The following CDIN1 variants were observed in gnomAD, a reference collection of about 807,000 sequenced individuals.
CDIN1 encodes CDAN1-interacting nuclease 1.
In CDIN1, 33 loss-of-function variants were observed where a neutral mutation model predicts 45.3. The observed-to-expected ratio is 0.73, with a 90% CI of 0.55 to 0.97. The LOEUF (loss-of-function observed/expected upper bound fraction) is 0.97. CDIN1 is among the 50% of genes least tolerant of loss of function. The pLI, the probability that CDIN1 is intolerant of heterozygous loss-of-function variation, is 0.00. For synonymous variants in CDIN1, 118 were observed against 124.4 expected, an observed-to-expected ratio of 0.95 and a Z score of 0.34; for missense variants, 303 against 339.4, an observed-to-expected ratio of 0.89 and a Z score of 0.84.
chr15:36,788,996 T>C (rs2054578504), intron 10 of CDIN1, among the ~76,000 whole-genome samples: 1 of 152,218 alleles, frequency 6.6e-6, no homozygotes. Context: ...AAGCATAAAT[T>C]GGAAGAATTG....
chr15:36,692,087 G>A (rs754025611), intron 6 of CDIN1, 39 bp from the exon 7 acceptor site: 1 of 1,597,624 alleles, frequency 6.3e-7, no homozygotes, highest in Non-Finnish European at 8.5e-7. Flanking sequence ...AGTTTTTGTA[G>A]CCGCCCCACC....
intron 1 of CDIN1, among the ~76,000 whole-genome samples, chr15:36,608,974 T>TAC (rs1417528028): frequency 7.4e-6 from 1 of 134,398 alleles, no homozygotes; most frequent in African/African-American, 3.1e-5. Flanking sequence ...TGTATGTGTG[T>TAC]ATATAGATAG....
chr15:36,620,656 T>G (rs1269130431), intron 1 of CDIN1, among the ~76,000 whole-genome samples: 6 of 152,246 alleles, frequency 3.9e-5, no homozygotes, highest in African/African-American at 1.4e-4. Flanking sequence ...GTTCACACAT[T>G]GAGAATTTTA....
chr15:36,675,529 T>C (rs561557398), intron 5 of CDIN1, among the ~76,000 whole-genome samples: 1 of 152,152 alleles, frequency 6.6e-6, no homozygotes, highest in Non-Finnish European at 1.5e-5. Flanking sequence ...GCAGCATGTC[T>C]TTTTGTAAAC....
intron 8 of CDIN1, among the ~76,000 whole-genome samples, chr15:36,701,588 TC>T (rs1461319958): frequency 3.9e-5 from 6 of 152,304 alleles, no homozygotes; most frequent in African/African-American, 1.4e-4. Context: ...TGGAGGGACT[TC>T]CGTTAGTGAC....
At position 36,802,028 on chromosome 15, in the gene CDIN1, G is replaced by A. The variant is rs377234433; in HGVS notation, c.717-6296G>A. On this transcript the variant is annotated intron_variant, in intron 10 of 10. Transcript: ENST00000566621. ...CCCTGCTTGCCTATCACCTATCCAG[G>A]TGTAGTAAATATTTTTCAGAGTCAA... is the stretch of plus-strand genomic sequence containing the variant. Among the ~76,000 whole-genome samples, 15 of 152,214 alleles carry A rather than the reference G, an allele frequency of 9.9e-5. No individual in the cohort carries two copies. In the East Asian group the frequency reaches 2.3e-3, roughly 24 times the overall value.
intron 5 of CDIN1, among the ~76,000 whole-genome samples, chr15:36,677,687 A>T (rs2041697066): frequency 6.6e-6 from 1 of 152,188 alleles, no homozygotes; most frequent in Non-Finnish European, 1.5e-5. Context: ...TCTCCATTCC[A>T]CAATATGAGG....
chr15:36,609,583 GT>G (rs1231454805), intron 1 of CDIN1, among the ~76,000 whole-genome samples: 1 of 152,174 alleles, frequency 6.6e-6, no homozygotes, highest in Non-Finnish European at 1.5e-5. Context: ...CTTAAACTCA[GT>G]TCTATTGCTT....
chr15:36,598,090 A>G (rs1235289812), intron 1 of CDIN1, among the ~76,000 whole-genome samples: 1 of 152,188 alleles, frequency 6.6e-6, no homozygotes, highest in Non-Finnish European at 1.5e-5. Flanking sequence ...TCCTGGGCTC[A>G]GGTGATCCTT....
chr15:36,662,358 C>T (rs1428485842), intron 5 of CDIN1, among the ~76,000 whole-genome samples: 1 of 152,106 alleles, frequency 6.6e-6, no homozygotes, highest in Non-Finnish European at 1.5e-5. Context: ...TTATGATTTC[C>T]CTGATGGGAT....
intron 1 of CDIN1, among the ~76,000 whole-genome samples, chr15:36,592,226 G>A (rs575706138): frequency 1.8e-4 from 27 of 152,324 alleles, no homozygotes; most frequent in African/African-American, 6.3e-4. Flanking sequence ...GTGGATGCTG[G>A]TGCTCTTTCC....
intron 10 of CDIN1, among the ~76,000 whole-genome samples, chr15:36,745,440 C>T (rs2044385157): frequency 6.6e-6 from 1 of 152,090 alleles, no homozygotes; most frequent in South Asian, 2.1e-4. Flanking sequence ...TTATTTTAAA[C>T]AACTATTACT....
intron 10 of CDIN1, among the ~76,000 whole-genome samples, chr15:36,795,954 A>G (rs1272966306): frequency 2.0e-5 from 3 of 152,292 alleles, no homozygotes; most frequent in East Asian, 3.9e-4. Flanking sequence ...CTAATTATAA[A>G]TTTAGGAAAT....
intron 10 of CDIN1, among the ~76,000 whole-genome samples, chr15:36,757,408 C>T (rs1566953598): frequency 6.6e-6 from 1 of 152,194 alleles, no homozygotes; most frequent in Non-Finnish European, 1.5e-5. Flanking sequence ...GAACTCTTTT[C>T]TCGCTTGCTA....
At chr15:36,620,275 C>A (rs574856187) in intron 1 of CDIN1, among the ~76,000 whole-genome samples, 1 of 152,002 alleles carries the variant, frequency 6.6e-6, no homozygotes, top group Non-Finnish European at 1.5e-5. Flanking sequence ...GGCGTGACAC[C>A]GGGGGGCGGA....
intron 10 of CDIN1, among the ~76,000 whole-genome samples, chr15:36,759,706 C>T (rs1415223033): frequency 6.6e-6 from 1 of 152,170 alleles, no homozygotes; most frequent in African/African-American, 2.4e-5. Flanking sequence ...AATTGACTCA[C>T]AGTTCCACAG....
At chr15:36,718,653 T>C (rs1474730256) in intron 10 of CDIN1, among the ~76,000 whole-genome samples, 1 of 152,078 alleles carries the variant, frequency 6.6e-6, no homozygotes, top group African/African-American at 2.4e-5. Flanking sequence ...TGTTCATTGC[T>C]ACTATAGAGG....
rs1325377038 is a variant in CDIN1 at position 36,809,787 on chromosome 15, A to G, written c.*1334A>G. The G allele has an allele frequency of 1.3e-5, 2 of 152,222 alleles. No homozygotes were observed. The highest frequency in any genetic ancestry group is 2.9e-5 in the Non-Finnish European group (2 of 68,034). The allele number at this position is 152,222 out of a possible 1,614,324, so 9.4% of individuals were successfully genotyped here. ...TTTCAAAAGACTAAATATGTCATTT[A>G]TACTTTGTTTATTTTCTACCAAAGA... On this transcript the variant is annotated 3_prime_UTR_variant, in exon 11 of 11. Coordinates refer to ENST00000566621, the MANE Select transcript of CDIN1 (RefSeq NM_001321759.2).
intron 1 of CDIN1, chr15:36,618,520 C>G: frequency 2.4e-6 from 3 of 1,234,196 alleles, no homozygotes; most frequent in Non-Finnish European, 3.6e-6. Flanking sequence ...GTTTGACTTA[C>G]TAGCCTCAAA....
Sources: allele counts gnomAD v4.1 joint callset (sites outside exome capture counted in the v4.1 genomes callset), GRCh38; gene constraint gnomAD v4.1.1; transcripts MANE v1.5; gene names NCBI Gene and HGNC (gene_info 2026-07-23, HGNC 2026-07-21).